The following PCDH15 variants were observed in gnomAD, a reference collection of about 807,000 sequenced individuals.
The protein encoded by PCDH15 is protocadherin related 15.
In PCDH15, 129 loss-of-function variants were observed where a neutral mutation model predicts 178.5. That is an observed-to-expected ratio of 0.72 (90% CI 0.63 to 0.84). The LOEUF (loss-of-function observed/expected upper bound fraction) is 0.84. PCDH15 is among the 40% of genes least tolerant of loss of function. The probability of loss-of-function intolerance (pLI) is 0.00; values close to 1 mark genes in which losing one functional copy is unlikely to be tolerated. For missense variants in PCDH15, 2,230 were observed against 2,099.9 expected (o/e 1.06, Z -1.21); for synonymous variants, 800 against 732.0 (o/e 1.09, Z -1.50).
At chr10:54,658,947 T>C (rs2094450050) in intron 2 of PCDH15, among the ~76,000 whole-genome samples, 1 of 152,120 alleles carries the variant, frequency 6.6e-6, no homozygotes, top group Non-Finnish European at 1.5e-5. Flanking sequence ...TGGAGAATGA[T>C]GTACTACACA....
At chr10:54,910,011 G>A (rs962576413) in intron 2 of PCDH15, among the ~76,000 whole-genome samples, 8 of 152,126 alleles carry the variant, frequency 5.3e-5, no homozygotes, top group Non-Finnish European at 1.2e-4. Flanking sequence ...CCAAAATACA[G>A]CGGGGAGCAA....
intron 3 of PCDH15, among the ~76,000 whole-genome samples, chr10:54,441,260 G>T (rs1211138374): frequency 6.6e-6 from 1 of 151,868 alleles, no homozygotes; most frequent in Admixed American, 6.6e-5. Flanking sequence ...TTAAAAAGGT[G>T]TTTTTATTAA....
At chr10:53,868,587 T>C (rs1304180616) in intron 26 of PCDH15, among the ~76,000 whole-genome samples, 2 of 152,132 alleles carry the variant, frequency 1.3e-5, no homozygotes, top group Non-Finnish European at 2.9e-5. Flanking sequence ...TTAAGTTACA[T>C]AATGAAAGAC....
intron 32 of PCDH15, among the ~76,000 whole-genome samples, chr10:53,820,841 T>C (rs2076234642): frequency 6.6e-6 from 1 of 152,050 alleles, no homozygotes. Flanking sequence ...TCCCAGAGTA[T>C]ACAGTTTTAT....
rs33951115 is a variant in PCDH15 at position 53,999,052 on chromosome 10, CAAA to C, written c.2752-3290_2752-3288del. 3.5e-3 allele frequency among the ~76,000 whole-genome samples: 328 copies of C among 92,468 alleles called. 1 individual carries two copies. The highest frequency in any genetic ancestry group is 9.9e-3 in the African/African-American group (233 of 23,436). The allele number at this position is 92,468 out of a possible 152,430, so 60.7% of individuals were successfully genotyped here. A position where few individuals can be genotyped will look rare whatever the true frequency, so the allele number is the denominator to read the frequency against. ...TGGGTGACAGAGTGATACTCAGTCT[CAAA>C]AAAAAAAAAAAAAAAAAAGATATGT... On this transcript the variant is annotated intron_variant, in intron 20 of 37. Coordinates refer to ENST00000644397, the MANE Select transcript of PCDH15 (RefSeq NM_001384140.1).
chr10:55,486,993 GAT>G (rs1840311014), intron 2 of PCDH15, among the ~76,000 whole-genome samples: 1 of 151,378 alleles, frequency 6.6e-6, no homozygotes, highest in South Asian at 2.1e-4. Context: ...TTAAATGGAA[GAT>G]ATTTTTTCTT....
intron 32 of PCDH15, chr10:53,822,561 A>G: frequency 6.2e-7 from 1 of 1,613,974 alleles, no homozygotes; most frequent in Non-Finnish European, 8.5e-7. Flanking sequence ...TTCAATAGGT[A>G]ACATACAAAT....
intron 2 of PCDH15, among the ~76,000 whole-genome samples, chr10:55,421,523 AATCT>A (rs1310130867): frequency 6.7e-6 from 1 of 150,260 alleles, no homozygotes; most frequent in Non-Finnish European, 1.5e-5. Flanking sequence ...ACTAGATTTG[AATCT>A]ATCTTCTACT....
At chr10:53,809,054 G>A in intron 37 of PCDH15, 2 of 1,611,528 alleles carry the variant, frequency 1.2e-6, no homozygotes, top group Non-Finnish European at 1.7e-6. Flanking sequence ...TCAACCATGG[G>A]CCTTCTTCTT....
intron 2 of PCDH15, among the ~76,000 whole-genome samples, chr10:55,545,281 T>A (rs1038868777): frequency 2.6e-5 from 4 of 151,694 alleles, no homozygotes; most frequent in Non-Finnish European, 4.4e-5. Context: ...CTTTTTTTTT[T>A]TTTTTAGATG....
intron 15 of PCDH15, among the ~76,000 whole-genome samples, chr10:54,112,657 C>T (rs903522011): frequency 3.3e-5 from 5 of 152,118 alleles, no homozygotes; most frequent in African/African-American, 9.7e-5. Context: ...CAGGTGGAGA[C>T]ATAAATACTA....
intron 27 of PCDH15, among the ~76,000 whole-genome samples, chr10:53,864,442 A>T (rs1353378530): frequency 1.3e-5 from 2 of 152,164 alleles, no homozygotes; most frequent in Non-Finnish European, 2.9e-5. Flanking sequence ...TCTCAGATGG[A>T]AAGGGAAAGT....
intron 9 of PCDH15, among the ~76,000 whole-genome samples, chr10:54,217,069 T>C (rs1394525655): frequency 2.6e-5 from 4 of 152,078 alleles, no homozygotes; most frequent in African/African-American, 7.2e-5. Flanking sequence ...AAATCGAAGA[T>C]AGACTGTAAC....
intron 17 of PCDH15, among the ~76,000 whole-genome samples, chr10:54,077,591 A>G (rs1008851273): frequency 2.0e-5 from 3 of 152,052 alleles, no homozygotes; most frequent in African/African-American, 7.2e-5. Flanking sequence ...CTTCACTGTA[A>G]TTATACCTCT....
At chr10:55,140,862 C>T (rs147467962) in intron 2 of PCDH15, among the ~76,000 whole-genome samples, 44 of 151,964 alleles carry the variant, frequency 2.9e-4, no homozygotes, top group African/African-American at 8.9e-4. Flanking sequence ...CTAGGTTGTC[C>T]TATTGACATG....
At chr10:54,357,796 G>A (rs918212331) in intron 5 of PCDH15, among the ~76,000 whole-genome samples, 1 of 152,062 alleles carries the variant, frequency 6.6e-6, no homozygotes, top group Non-Finnish European at 1.5e-5. Flanking sequence ...AAACAGCATG[G>A]TACTGGTACC....
intron 1 of PCDH15, among the ~76,000 whole-genome samples, chr10:54,794,875 T>C (rs1951804468): frequency 6.6e-6 from 1 of 151,908 alleles, no homozygotes; most frequent in Admixed American, 6.6e-5. Context: ...ACAGTAGTAA[T>C]AACAAATTTA....
chr10:55,140,219 A>G (rs954641928), intron 2 of PCDH15, among the ~76,000 whole-genome samples: 3 of 151,854 alleles, frequency 2.0e-5, no homozygotes, highest in South Asian at 4.2e-4. Flanking sequence ...TCATCTGCAA[A>G]TAAGGATGGC....
chr10:55,177,613 T>G (rs1232829769), intron 1 of PCDH15, among the ~76,000 whole-genome samples: 1 of 152,182 alleles, frequency 6.6e-6, no homozygotes, highest in African/African-American at 2.4e-5. Context: ...CTACATAATG[T>G]GGCAGGACTG....
Sources: gnomAD v4.1 joint callset for allele counts (sites outside exome capture counted in the v4.1 genomes callset) on GRCh38, gnomAD v4.1.1 for gene constraint, MANE v1.5 for transcripts, NCBI Gene and HGNC (gene_info 2026-07-23, HGNC 2026-07-21) for gene names.